Variants in ITGA9 observed in about 807,000 individuals in gnomAD.
The protein encoded by ITGA9 is integrin subunit alpha 9.
ITGA9 carries 56 observed loss-of-function variants against 127.8 expected under a neutral mutation model. That is an observed-to-expected ratio of 0.44 (90% CI 0.35 to 0.55). ITGA9 has a LOEUF of 0.55. ITGA9 is among the 20% of genes least tolerant of loss of function. The probability of loss-of-function intolerance (pLI) is 0.00; values close to 1 mark genes in which losing one functional copy is unlikely to be tolerated. For missense variants in ITGA9, 1,196 were observed against 1,347.1 expected (o/e 0.89, Z 1.76); for synonymous variants, 508 against 514.5 (o/e 0.99, Z 0.17).
chr3:37,802,198 G>A (rs1697243089), intron 26 of ITGA9, among the ~76,000 whole-genome samples: 2 of 152,294 alleles, frequency 1.3e-5, no homozygotes, highest in South Asian at 4.2e-4. Context: ...TCATAGGGCT[G>A]TTGTATGACT....
intron 3 of ITGA9, among the ~76,000 whole-genome samples, chr3:37,478,055 A>C (rs536846284): frequency 9.9e-5 from 15 of 152,138 alleles, no homozygotes; most frequent in African/African-American, 3.4e-4. Context: ...TACCTCAATA[A>C]ATTTTCATTA....
intron 15 of ITGA9, among the ~76,000 whole-genome samples, chr3:37,606,658 A>G (rs6550490): frequency 0.71 from 108,031 of 151,974 alleles, 38,734 homozygotes; most frequent in East Asian, 0.8. Flanking sequence ...TGCTTTTGCC[A>G]TCTCAGCATT....
At chr3:37,536,185 C>T (rs267548) in intron 14 of ITGA9, among the ~76,000 whole-genome samples, 86,732 of 151,914 alleles carry the variant, frequency 0.57, 25,238 homozygotes, top group East Asian at 0.81. Context: ...ACTCTGTCAT[C>T]TCCAGGCCTC....
At chr3:37,813,157 G>GC (rs1189470007) in intron 27 of ITGA9, among the ~76,000 whole-genome samples, 1 of 152,160 alleles carries the variant, frequency 6.6e-6, no homozygotes, top group African/African-American at 2.4e-5. Context: ...GGGTTTCCTG[G>GC]CATGTGTATG....
intron 18 of ITGA9, among the ~76,000 whole-genome samples, chr3:37,721,175 G>A (rs1410885648): frequency 6.9e-6 from 1 of 144,530 alleles, no homozygotes; most frequent in Admixed American, 7.1e-5. Context: ...AGGCTGGAGT[G>A]CAGTGGTGCA....
intron 15 of ITGA9, among the ~76,000 whole-genome samples, chr3:37,590,309 G>T (rs144093339): frequency 8.5e-5 from 13 of 152,254 alleles, no homozygotes; most frequent in African/African-American, 2.4e-4. Context: ...GCTTTATCCC[G>T]CTGAGCAGTG....
chr3:37,586,581 TCTGATACC>T (rs1699761353), intron 15 of ITGA9, among the ~76,000 whole-genome samples: 1 of 152,256 alleles, frequency 6.6e-6, no homozygotes, highest in Non-Finnish European at 1.5e-5. Context: ...TTATAATTAC[TCTGATACC>T]AGATGGCTTT....
intron 15 of ITGA9, among the ~76,000 whole-genome samples, chr3:37,628,735 AACGCTGGGCC>A (rs1700200556): frequency 6.6e-6 from 1 of 152,324 alleles, no homozygotes; most frequent in South Asian, 2.1e-4. Context: ...ATTCTGGGAT[AACGCTGGGCC>A]ACTCAGTCTT....
rs1697306205 is a variant in ITGA9 at position 37,806,932 on chromosome 3, G to C, written c.3009+2990G>C. ...TAGGCACTGGGATGCAGCAATAACT[G>C]TGCCCTTCCCTGCACTTGACCGCCT... On this transcript the variant is annotated intron_variant, in intron 27 of 27. Transcript: ENST00000264741. This position sits in a 1 kb window ranked among gnomAD's most constrained non-coding sequence, Gnocchi z 4.3. 1 of 152,236 alleles carries C rather than the reference G, an allele frequency of 6.6e-6. No individual in the cohort carries two copies. Among genetic ancestry groups the C allele is most frequent in the South Asian group, 2.1e-4 (1 of 4,832 alleles). The allele number at this position is 152,236 out of a possible 1,614,324, so 9.4% of individuals were successfully genotyped here.
At chr3:37,542,723 T>A (rs916468619) in intron 15 of ITGA9, 138 bp downstream of exon 15, 1 of 893,368 alleles carries the variant, frequency 1.1e-6, no homozygotes, top group African/African-American at 1.7e-5. Context: ...TATCCATTTC[T>A]TCTTTTCTTT....
At chr3:37,656,740 G>A (rs1474275652) in intron 17 of ITGA9, among the ~76,000 whole-genome samples, 1 of 152,160 alleles carries the variant, frequency 6.6e-6, no homozygotes, top group African/African-American at 2.4e-5. Flanking sequence ...GAATAGGAGT[G>A]ATGAGCGAGG....
At chr3:37,547,045 G>T (rs1301612824) in intron 15 of ITGA9, among the ~76,000 whole-genome samples, 3 of 152,200 alleles carry the variant, frequency 2.0e-5, no homozygotes, top group South Asian at 4.1e-4. Context: ...TGGCAGAGAA[G>T]CCCAGGCAGA....
intron 26 of ITGA9, among the ~76,000 whole-genome samples, chr3:37,802,184 G>T (rs772179875): frequency 6.6e-6 from 1 of 152,184 alleles, no homozygotes; most frequent in Non-Finnish European, 1.5e-5. Context: ...GGGTGTGGAA[G>T]ACCTCATAGG....
intron 23 of ITGA9, among the ~76,000 whole-genome samples, chr3:37,773,377 GTCCAC>G (rs1210126260): frequency 6.6e-6 from 1 of 152,232 alleles, no homozygotes; most frequent in Non-Finnish European, 1.5e-5. Flanking sequence ...GTCAGCAGAT[GTCCAC>G]TCCAGAAGAC....
chr3:37,629,360 C>T lies in ITGA9; in HGVS notation c.1839+24C>T, dbSNP rs764796759. ...AGGTCAGAACCTTAAAGCTCATACTCAGCACCCAAGGTGGCAGCTGCACAG... is the reference window on the plus strand; with the variant it reads ...AGGTCAGAACCTTAAAGCTCATACTTAGCACCCAAGGTGGCAGCTGCACAG... On this transcript the variant is annotated intron_variant, in intron 16 of 27. Transcript: ENST00000264741. The surrounding 1 kb of genome is among the most constrained non-coding windows in gnomAD (Gnocchi z 4.5). 48 of 1,613,118 alleles carry T rather than the reference C, an allele frequency of 3.0e-5. No individual in the cohort carries two copies. The highest frequency in any genetic ancestry group is 4.1e-5 in the Non-Finnish European group (48 of 1,179,650).
At chr3:37,707,741 T>G (rs918554414) in intron 18 of ITGA9, among the ~76,000 whole-genome samples, 9 of 152,212 alleles carry the variant, frequency 5.9e-5, no homozygotes, top group African/African-American at 2.2e-4. Context: ...CTTTTATTCT[T>G]TCTCTCTACT....
intron 18 of ITGA9, among the ~76,000 whole-genome samples, chr3:37,720,588 C>T (rs1332099571): frequency 1.3e-5 from 2 of 152,070 alleles, no homozygotes; most frequent in African/African-American, 2.4e-5. Flanking sequence ...TCGTTTGTGA[C>T]TATTTAACAG....
intron 7 of ITGA9, among the ~76,000 whole-genome samples, chr3:37,506,929 C>T (rs1263556706): frequency 2.0e-5 from 3 of 152,096 alleles, no homozygotes; most frequent in African/African-American, 7.2e-5. Flanking sequence ...CTGGATTAGC[C>T]CAGATGAGCT....
chr3:37,686,686 G>A (rs932447882), intron 18 of ITGA9, among the ~76,000 whole-genome samples: 2 of 152,118 alleles, frequency 1.3e-5, no homozygotes, highest in Non-Finnish European at 2.9e-5. Context: ...TCTTCGGGAC[G>A]TGGTGAGTGT....
Sources: gnomAD v4.1 joint callset for allele counts (sites outside exome capture counted in the v4.1 genomes callset) on GRCh38, gnomAD v4.1.1 for gene constraint, Gnocchi (gnomAD v3.1) non-coding constraint, MANE v1.5 for transcripts, NCBI Gene and HGNC (gene_info 2026-07-23, HGNC 2026-07-21) for gene names.